Variants in PKP4 observed in about 807,000 individuals in gnomAD.
PKP4 encodes the protein plakophilin 4.
In PKP4, 90 loss-of-function variants were observed where a neutral mutation model predicts 145.1. The observed-to-expected ratio is 0.62, with a 90% CI of 0.52 to 0.74. The LOEUF is 0.74. Ranked by LOEUF, PKP4 falls within the 30% of genes least tolerant of loss-of-function variation. PKP4 has a pLI of 0.00. For missense variants in PKP4, 1,340 were observed against 1,482.7 expected (o/e 0.90, Z 1.58); for synonymous variants, 563 against 577.2 (o/e 0.98, Z 0.35).
chr2:158,624,855 CT>C (rs770551067), intron 6 of PKP4, 22 bp from the exon 7 acceptor site: 34 of 1,543,220 alleles, frequency 2.2e-5, no homozygotes, highest in East Asian at 1.1e-4. Context: ...AACCCATTCT[CT>C]TTTTTCCCCC....
Position 158,666,515 on chromosome 2 carries a change from A to G in PKP4, c.2680A>G (p.Thr894Ala), listed in dbSNP as rs777434007. ...CGATAGAGTTGTTTCTTCCGTGGCA[A>G]CAGCCTTGAGGAATATGGCACTAGA... Reference protein sequence around the residue: ...DNDRVVSSVATALRNMALDVR... With the variant: ...DNDRVVSSVAAALRNMALDVR... The change falls in exon 16 of 22, where the codon ACA becomes GCA. Residue 894 changes from threonine (T) to alanine (A), a missense_variant. Physicochemically the swap from Thr to Ala is moderately conservative, Grantham distance 58. Coordinates refer to ENST00000389759, the MANE Select transcript of PKP4 (RefSeq NM_003628.6). The G allele has an allele frequency of 1.3e-5, 21 of 1,613,750 alleles. No homozygotes were observed. Among genetic ancestry groups the G allele is most frequent in the Admixed American group, 5.0e-5 (3 of 59,958 alleles).
At chr2:158,539,094 A>G (rs2105653612) in intron 2 of PKP4, among the ~76,000 whole-genome samples, 1 of 152,334 alleles carries the variant, frequency 6.6e-6, no homozygotes, top group East Asian at 1.9e-4. Flanking sequence ...TACCACTTTC[A>G]ATATATTTTC....
chr2:158,500,720 A>G (rs762967139), intron 1 of PKP4, among the ~76,000 whole-genome samples: 1 of 152,202 alleles, frequency 6.6e-6, no homozygotes, highest in Admixed American at 6.5e-5. Flanking sequence ...AGAGTTGTCC[A>G]CTTTGGGGTT....
intron 2 of PKP4, among the ~76,000 whole-genome samples, chr2:158,533,953 C>A (rs549651547): frequency 6.6e-6 from 1 of 152,094 alleles, no homozygotes; most frequent in East Asian, 1.9e-4. Context: ...ATTTTAATTT[C>A]TTAAGATTTC....
At chr2:158,590,345 G>C (rs1039937811) in intron 3 of PKP4, among the ~76,000 whole-genome samples, 1 of 145,752 alleles carries the variant, frequency 6.9e-6, no homozygotes, top group East Asian at 2.0e-4. Context: ...GTGTGTGTGT[G>C]TGTGTGTGTG....
chr2:158,555,973 G>C (rs1031175948), intron 2 of PKP4, among the ~76,000 whole-genome samples: 1 of 152,118 alleles, frequency 6.6e-6, no homozygotes, highest in Admixed American at 6.5e-5. Context: ...TAAAACTCTT[G>C]ATCAAATTCT....
At chr2:158,510,134 C>A (rs985302719) in intron 1 of PKP4, among the ~76,000 whole-genome samples, 1 of 152,148 alleles carries the variant, frequency 6.6e-6, no homozygotes. Context: ...AAATCTGATT[C>A]TTTCTGACAT....
intron 1 of PKP4, among the ~76,000 whole-genome samples, chr2:158,519,402 T>C (rs1374470394): frequency 2.6e-5 from 4 of 152,216 alleles, no homozygotes; most frequent in Non-Finnish European, 5.9e-5. Context: ...TGTCAGTGTC[T>C]GAGGCCTGCT....
intron 12 of PKP4, chr2:158,659,095 G>A (rs561422802): frequency 6.6e-6 from 1 of 152,438 alleles, no homozygotes; most frequent in African/African-American, 2.4e-5. Context: ...TGAGCACTCA[G>A]TGAGTGCTGT....
chr2:158,507,779 G>A (rs1030318070), intron 1 of PKP4, among the ~76,000 whole-genome samples: 2 of 152,020 alleles, frequency 1.3e-5, no homozygotes, highest in African/African-American at 2.4e-5. Flanking sequence ...AAGGTAGTGT[G>A]GGGGGGTCTC....
rs1320873112 is a variant in PKP4, at chr2:158,577,350, T to G, written c.212T>G (p.Leu71Arg). Residue 71 changes from leucine to arginine, a missense_variant, in exon 3 of 22, where the codon CTT (leucine) becomes CGT (arginine). By Grantham distance (102) the Leu-to-Arg change is moderately radical. Transcript: ENST00000389759. ...GCCAGTCAGCTAGAAAGATGTAGGC[T>G]TGGAGCAGAATCACCAAGCATCGCC... ...IVASQLERCR[L>R]GAESPSIAST... 3.1e-6 allele frequency: 5 copies of G among 1,612,964 alleles called. No homozygotes were observed. Among genetic ancestry groups the G allele is most frequent in the Non-Finnish European group, 3.4e-6 (4 of 1,179,634 alleles).
At chr2:158,585,819 C>T (rs1280740230) in intron 3 of PKP4, among the ~76,000 whole-genome samples, 1 of 148,362 alleles carries the variant, frequency 6.7e-6, no homozygotes, top group Non-Finnish European at 1.5e-5. Context: ...GTGTACAATT[C>T]AGTGTTTTTA....
intron 2 of PKP4, among the ~76,000 whole-genome samples, chr2:158,549,528 C>T (rs970490771): frequency 9.9e-5 from 15 of 152,116 alleles, no homozygotes; most frequent in African/African-American, 3.6e-4. Context: ...ACCTCTTTCC[C>T]CACCCTTTGC....
intron 2 of PKP4, among the ~76,000 whole-genome samples, chr2:158,550,884 C>T (rs888895493): frequency 1.3e-5 from 2 of 152,154 alleles, no homozygotes; most frequent in Admixed American, 6.5e-5. Flanking sequence ...GGTGCCCTTC[C>T]GGGAATTTAC....
chr2:158,561,478 T>G (rs1227729983), intron 2 of PKP4, among the ~76,000 whole-genome samples: 1 of 152,232 alleles, frequency 6.6e-6, no homozygotes, highest in Non-Finnish European at 1.5e-5. Flanking sequence ...TGTGGTCTCA[T>G]CAGCACCATG....
chr2:158,485,740 G>T (rs182625939), intron 1 of PKP4, among the ~76,000 whole-genome samples: 1 of 152,204 alleles, frequency 6.6e-6, no homozygotes, highest in East Asian at 1.9e-4. Flanking sequence ...ATGCCTACTG[G>T]ATTCTAATAC....
At chr2:158,475,216 G>A (rs531604826) in intron 1 of PKP4, among the ~76,000 whole-genome samples, 28 of 152,222 alleles carry the variant, frequency 1.8e-4, no homozygotes, top group African/African-American at 6.5e-4. Context: ...CATTTGAAAC[G>A]CCAAGGACCC....
At chr2:158,531,950 C>T (rs2043592409) in intron 1 of PKP4, among the ~76,000 whole-genome samples, 1 of 152,182 alleles carries the variant, frequency 6.6e-6, no homozygotes, top group South Asian at 2.1e-4. Context: ...AATAAAACAA[C>T]CACCAGCAGA....
chr2:158,603,147 A>C, intron 4 of PKP4, 43 bp downstream of exon 4: 1 of 1,073,312 alleles, frequency 9.3e-7, no homozygotes, highest in Non-Finnish European at 1.4e-6. Flanking sequence ...ATAAACACAA[A>C]TTACATAGCC....
Sources: gnomAD v4.1 joint callset for allele counts (sites outside exome capture counted in the v4.1 genomes callset) on GRCh38, gnomAD v4.1.1 for gene constraint, MANE v1.5 for transcripts, NCBI Gene and HGNC (gene_info 2026-07-23, HGNC 2026-07-21) for gene names.